The following NBAS variants were observed in gnomAD, a reference collection of about 807,000 sequenced individuals.
NBAS encodes the protein NBAS subunit of NRZ tethering complex, also known as NAG/BC035112 fusion.
NBAS carries 219 observed loss-of-function variants against 302.5 expected under a neutral mutation model. That is an observed-to-expected ratio of 0.72 (90% CI 0.65 to 0.81). The LOEUF (loss-of-function observed/expected upper bound fraction) is 0.81. Among genes scored for constraint, NBAS ranks in the 30% least tolerant of loss-of-function variants. The pLI is 0.00. For synonymous variants in NBAS, 1,118 were observed against 1,021.6 expected, an observed-to-expected ratio of 1.09 and a Z score of -1.80; for missense variants, 2,932 against 2,841.6, an observed-to-expected ratio of 1.03 and a Z score of -0.72.
chr2:15,221,227 C>T (rs1666936233), intron 47 of NBAS, among the ~76,000 whole-genome samples: 1 of 152,162 alleles, frequency 6.6e-6, no homozygotes, highest in South Asian at 2.1e-4. Context: ...TAACTGAATC[C>T]TGGCTGCAGA....
At chr2:14,911,401 T>C in the NBAS span, among the ~76,000 whole-genome samples, 1 of 152,200 alleles carries the variant, frequency 6.6e-6, no homozygotes. Context: ...TGAGGATCAA[T>C]TGAGGTGGCA....
intron 21 of NBAS, among the ~76,000 whole-genome samples, chr2:15,456,217 G>T (rs1420015262): frequency 6.6e-6 from 1 of 152,112 alleles, no homozygotes; most frequent in East Asian, 1.9e-4. Flanking sequence ...CACAAAAATA[G>T]CCCATAATTT....
chr2:15,329,399 C>T (rs1672219456), intron 36 of NBAS, among the ~76,000 whole-genome samples: 2 of 152,208 alleles, frequency 1.3e-5, no homozygotes, highest in East Asian at 1.9e-4. Context: ...CCTCTTCCCA[C>T]TGCCTTCATC....
At chr2:15,425,673 T>C (rs986812815) in intron 22 of NBAS, among the ~76,000 whole-genome samples, 4 of 152,182 alleles carry the variant, frequency 2.6e-5, no homozygotes, top group Non-Finnish European at 5.9e-5. Flanking sequence ...GTTAACATTC[T>C]TCCAGGGATT....
Position 15,179,086 on chromosome 2 carries a change from TA to T in NBAS, c.6741del (p.Asn2248ThrfsTer9). 6.2e-7 allele frequency: 1 copy of T among 1,614,156 alleles called. No homozygotes were observed. The highest frequency in any genetic ancestry group is 8.5e-7 in the Non-Finnish European group (1 of 1,180,030). ...EGVKELCLLL[L>X]NQSLLLPSLK... ...AGAGATGGAAGCAGGAGGGACTGGT[TA>T]AGCAGCAGCAGACACAGCTCCTTCA... On this transcript the variant is annotated frameshift_variant, in exon 51 of 52. Coordinates refer to ENST00000281513, the MANE Select transcript of NBAS (RefSeq NM_015909.4). LOFTEE classifies it high-confidence loss of function.
chr2:15,359,367 A>T (rs1673784001), intron 32 of NBAS, among the ~76,000 whole-genome samples: 1 of 152,244 alleles, frequency 6.6e-6, no homozygotes. Flanking sequence ...GTCTTTTAAA[A>T]GTATTTTCCC....
At chr2:15,367,098 T>C (rs1193849266) in intron 31 of NBAS, among the ~76,000 whole-genome samples, 1 of 152,112 alleles carries the variant, frequency 6.6e-6, no homozygotes, top group East Asian at 1.9e-4. Context: ...TTGCTCTAAA[T>C]ATACATTTGC....
At chr2:14,983,122 C>T in the NBAS span, among the ~76,000 whole-genome samples, 1 of 152,108 alleles carries the variant, frequency 6.6e-6, no homozygotes, top group East Asian at 1.9e-4. Context: ...TCTTCATGTC[C>T]CAGTGTCCCA....
chr2:15,415,803 C>T, intron 24 of NBAS, 84 bp from the exon 25 acceptor site: 1 of 1,411,320 alleles, frequency 7.1e-7, no homozygotes, highest in Non-Finnish European at 1.0e-6. Flanking sequence ...AGTTCTAAAG[C>T]TTACAGGTCC....
chr2:15,245,897 AT>A (rs1203026654), intron 44 of NBAS, among the ~76,000 whole-genome samples: 2 of 152,204 alleles, frequency 1.3e-5, no homozygotes, highest in Admixed American at 1.3e-4. Context: ...CTTTAAAAAG[AT>A]GTAAAAGCCA....
intron 44 of NBAS, among the ~76,000 whole-genome samples, chr2:15,273,061 G>A (rs916058095): frequency 3.3e-5 from 5 of 152,078 alleles, no homozygotes; most frequent in African/African-American, 4.8e-5. Flanking sequence ...ACACGCTCAC[G>A]ATTAGCAGAC....
the NBAS span, among the ~76,000 whole-genome samples, chr2:15,154,681 C>T: frequency 1.3e-5 from 2 of 152,178 alleles, no homozygotes; most frequent in African/African-American, 2.4e-5. Context: ...CATCCTTCCA[C>T]CCCAAAAGCC....
At chr2:14,912,029 G>A in the NBAS span, among the ~76,000 whole-genome samples, 1 of 152,136 alleles carries the variant, frequency 6.6e-6, no homozygotes, top group Admixed American at 6.5e-5. Flanking sequence ...CTACATGCCC[G>A]GGCTATAGGG....
chr2:15,080,632 A>C, the NBAS span, among the ~76,000 whole-genome samples: 2 of 152,204 alleles, frequency 1.3e-5, no homozygotes, highest in African/African-American at 4.8e-5. Flanking sequence ...CATCAACTGA[A>C]ATCACTCAGG....
chr2:15,216,311 A>G (rs571259998), intron 48 of NBAS, among the ~76,000 whole-genome samples: 1 of 152,338 alleles, frequency 6.6e-6, no homozygotes, highest in South Asian at 2.1e-4. Flanking sequence ...GAAAACAAAA[A>G]GAGTGAGGGG....
At chr2:15,342,324 T>G (rs951481155) in intron 35 of NBAS, among the ~76,000 whole-genome samples, 4 of 151,650 alleles carry the variant, frequency 2.6e-5, no homozygotes, top group Admixed American at 2.6e-4. Flanking sequence ...AATAAATAAA[T>G]CAAACAATAA....
intron 47 of NBAS, among the ~76,000 whole-genome samples, chr2:15,229,791 A>C (rs910868923): frequency 4.6e-5 from 7 of 152,034 alleles, no homozygotes; most frequent in Non-Finnish European, 1.0e-4. Flanking sequence ...TAAAAAAAAA[A>C]AAGAAAAGAA....
intron 30 of NBAS, among the ~76,000 whole-genome samples, chr2:15,377,876 T>C (rs1431194453): frequency 6.6e-6 from 1 of 152,202 alleles, no homozygotes; most frequent in Non-Finnish European, 1.5e-5. Flanking sequence ...TGCAAAATAG[T>C]GGGCAAACGA....
the NBAS span, among the ~76,000 whole-genome samples, chr2:15,099,550 C>T: frequency 6.6e-6 from 1 of 151,882 alleles, no homozygotes; most frequent in Non-Finnish European, 1.5e-5. Flanking sequence ...GAGGAAAATA[C>T]AAAACTTCTA....
Sources: gnomAD v4.1 joint callset for allele counts (sites outside exome capture counted in the v4.1 genomes callset) on GRCh38, gnomAD v4.1.1 for gene constraint, MANE v1.5 for transcripts, NCBI Gene and HGNC (gene_info 2026-07-23, HGNC 2026-07-21) for gene names.